RPS6KC1: variants seen among roughly 807,000 people sequenced by gnomAD.
RPS6KC1 encodes the protein inactive ribosomal protein S6 kinase delta-1.
RPS6KC1 carries 54 observed loss-of-function variants against 103.8 expected under a neutral mutation model. The observed-to-expected ratio is 0.52, with a 90% CI of 0.42 to 0.65. The LOEUF (loss-of-function observed/expected upper bound fraction) is 0.65. RPS6KC1 is among the 30% of genes least tolerant of loss of function. The pLI is 0.00. For missense variants in RPS6KC1, 1,151 were observed against 1,253.8 expected (o/e 0.92, Z 1.24); for synonymous variants, 439 against 438.7 (o/e 1.00, Z -0.01).
At chr1:213,851,929 C>T in the RPS6KC1 span, among the ~76,000 whole-genome samples, 5 of 152,174 alleles carry the variant, frequency 3.3e-5, no homozygotes, top group African/African-American at 4.8e-5. Flanking sequence ...CAGTCCCTGC[C>T]GCAGCTCTGA....
intron 4 of RPS6KC1, among the ~76,000 whole-genome samples, chr1:213,112,348 A>G (rs949978191): frequency 6.6e-6 from 1 of 152,148 alleles, no homozygotes; most frequent in Non-Finnish European, 1.5e-5. Flanking sequence ...GTCTGGTGAT[A>G]TCATTCTCTA....
the RPS6KC1 span, among the ~76,000 whole-genome samples, chr1:213,610,044 G>T: frequency 6.6e-6 from 1 of 152,050 alleles, no homozygotes; most frequent in Non-Finnish European, 1.5e-5. Context: ...GTATCTTCGA[G>T]TACGGTTTTA....
At chr1:213,545,428 AATAAAAG>A in the RPS6KC1 span, among the ~76,000 whole-genome samples, 2 of 26,564 alleles carry the variant, frequency 7.5e-5, no homozygotes, top group East Asian at 1.8e-3. Context: ...AATAAAATAA[AATAAAAG>A]AGAGAGAGAG....
At chr1:213,441,160 A>G in the RPS6KC1 span, among the ~76,000 whole-genome samples, 2 of 152,184 alleles carry the variant, frequency 1.3e-5, no homozygotes, top group African/African-American at 2.4e-5. Flanking sequence ...TTTAAACAGA[A>G]TTTTAAATGT....
chr1:213,118,736 A>G (rs941644564), intron 5 of RPS6KC1, among the ~76,000 whole-genome samples: 1 of 151,492 alleles, frequency 6.6e-6, no homozygotes, highest in African/African-American at 2.4e-5. Flanking sequence ...GCATCTATTT[A>G]TTTAAACTTA....
At chr1:213,523,548 A>G in the RPS6KC1 span, among the ~76,000 whole-genome samples, 1 of 152,344 alleles carries the variant, frequency 6.6e-6, no homozygotes, top group South Asian at 2.1e-4. Context: ...AAAATAAATC[A>G]GGTAATACAC....
the RPS6KC1 span, among the ~76,000 whole-genome samples, chr1:213,377,977 C>T: frequency 6.6e-6 from 1 of 152,158 alleles, no homozygotes; most frequent in South Asian, 2.1e-4. Flanking sequence ...AAGGATTTGG[C>T]AAGTAAAGAA....
chr1:213,702,753 T>C, the RPS6KC1 span, among the ~76,000 whole-genome samples: 4 of 152,048 alleles, frequency 2.6e-5, no homozygotes, highest in Non-Finnish European at 4.4e-5. Context: ...TTGATTTCTA[T>C]TGGCATAAAA....
the RPS6KC1 span, among the ~76,000 whole-genome samples, chr1:213,830,804 A>G: frequency 6.6e-6 from 1 of 152,118 alleles, no homozygotes; most frequent in Non-Finnish European, 1.5e-5. Context: ...ATACACAAAA[A>G]TCCTGGCTTA....
the RPS6KC1 span, among the ~76,000 whole-genome samples, chr1:213,757,543 G>A: frequency 1.3e-5 from 2 of 152,318 alleles, no homozygotes; most frequent in South Asian, 4.1e-4. Flanking sequence ...AGTAGAGGTT[G>A]GTTCATGAGA....
chr1:213,207,412 G>T (rs1467797787), intron 8 of RPS6KC1, among the ~76,000 whole-genome samples: 1 of 152,112 alleles, frequency 6.6e-6, no homozygotes, highest in African/African-American at 2.4e-5. Context: ...TTTTCAACAG[G>T]CTACCATCTA....
At chr1:213,585,954 C>T in the RPS6KC1 span, among the ~76,000 whole-genome samples, 1 of 152,176 alleles carries the variant, frequency 6.6e-6, no homozygotes, top group Non-Finnish European at 1.5e-5. Flanking sequence ...AGCAAGGGGT[C>T]CCACCATCAG....
chr1:213,218,152 A>C (rs1241523368), intron 8 of RPS6KC1, among the ~76,000 whole-genome samples: 1 of 152,178 alleles, frequency 6.6e-6, no homozygotes, highest in East Asian at 1.9e-4. Context: ...AATCTCCTTA[A>C]ACTGATAAGC....
At chr1:213,719,306 C>T in the RPS6KC1 span, among the ~76,000 whole-genome samples, 30 of 152,048 alleles carry the variant, frequency 2.0e-4, no homozygotes, top group Admixed American at 4.6e-4. Flanking sequence ...TGTGAGGAAC[C>T]GGAGTACAAG....
At chr1:213,832,267 A>T in the RPS6KC1 span, among the ~76,000 whole-genome samples, 1 of 152,168 alleles carries the variant, frequency 6.6e-6, no homozygotes, top group East Asian at 1.9e-4. Flanking sequence ...TCACCTGTTG[A>T]GGACTCCTGT....
chr1:213,272,442 G>A (rs562301844), intron 14 of RPS6KC1, 82 bp from the exon 15 acceptor site: 140 of 1,067,648 alleles, frequency 1.3e-4, no homozygotes, highest in Non-Finnish European at 2.0e-4. Flanking sequence ...GTTGAATTTA[G>A]AAGTTGTTTC....
At chr1:213,070,931 T>G in intron 1 of RPS6KC1, 75 bp from the exon 2 acceptor site, 1 of 894,032 alleles carries the variant, frequency 1.1e-6, no homozygotes, top group Non-Finnish European at 1.7e-6. Flanking sequence ...CAAATACTAT[T>G]GGAAGTTAAT....
chr1:213,758,740 C>G, the RPS6KC1 span, among the ~76,000 whole-genome samples: 1 of 152,096 alleles, frequency 6.6e-6, no homozygotes, highest in African/African-American at 2.4e-5. Flanking sequence ...AGCAAGATAA[C>G]TAGAATTAGA....
At chr1:213,334,057 C>A in the RPS6KC1 span, among the ~76,000 whole-genome samples, 1 of 152,116 alleles carries the variant, frequency 6.6e-6, no homozygotes, top group South Asian at 2.1e-4. Context: ...ACTACCTGGG[C>A]TCCAAGGGGG....
Sources: gnomAD v4.1 joint callset for allele counts (sites outside exome capture counted in the v4.1 genomes callset) on GRCh38, gnomAD v4.1.1 for gene constraint, MANE v1.5 for transcripts, NCBI Gene and HGNC (gene_info 2026-07-23, HGNC 2026-07-21) for gene names.